The following SWAP70 variants were observed in gnomAD, a reference collection of about 807,000 sequenced individuals.
The protein encoded by SWAP70 is switching B cell complex subunit SWAP70.
In SWAP70, 34 loss-of-function variants were observed where a neutral mutation model predicts 80.2. That is an observed-to-expected ratio of 0.42 (90% CI 0.32 to 0.56). SWAP70 has a LOEUF of 0.56. Ranked by LOEUF, SWAP70 falls within the 20% of genes least tolerant of loss-of-function variation. The pLI is 0.09. For missense variants in SWAP70, 578 were observed against 690.7 expected, an observed-to-expected ratio of 0.84 and a Z score of 1.83; for synonymous variants, 239 against 238.5, an observed-to-expected ratio of 1.00 and a Z score of -0.02.
chr11:9,745,497 C>G (rs1004078173), intron 9 of SWAP70, among the ~76,000 whole-genome samples: 7 of 152,192 alleles, frequency 4.6e-5, no homozygotes, highest in African/African-American at 1.4e-4. Flanking sequence ...GGAGACTTGG[C>G]TTTATAGAAA....
At chr11:9,706,321 CTGGTGATCTGTGTATACT>C (rs1350765671) in intron 2 of SWAP70, among the ~76,000 whole-genome samples, 3 of 147,270 alleles carry the variant, frequency 2.0e-5, no homozygotes, top group African/African-American at 5.1e-5. Context: ...TCTGTATACA[CTGGTGATCTGTGTATACT>C]TGGTGATCTG....
chr11:9,740,865 T>A (rs887201201), intron 9 of SWAP70: 1 of 160,370 alleles, frequency 6.2e-6, no homozygotes, highest in African/African-American at 2.4e-5. Flanking sequence ...AACCTAGATT[T>A]TTTTTCCCCT....
chr11:9,708,531 A>G (rs1174440242), intron 2 of SWAP70, among the ~76,000 whole-genome samples: 2 of 152,188 alleles, frequency 1.3e-5, no homozygotes, highest in Non-Finnish European at 2.9e-5. Context: ...TTCTTCATGT[A>G]TTCTGTTCTA....
At chr11:9,713,873 A>T (rs543057450) in intron 3 of SWAP70, among the ~76,000 whole-genome samples, 1 of 152,322 alleles carries the variant, frequency 6.6e-6, no homozygotes, top group East Asian at 1.9e-4. Context: ...AATGGCTATG[A>T]TGATAAGTGA....
At chr11:9,725,890 T>TCCTGTCATG (rs368165055) in intron 4 of SWAP70, among the ~76,000 whole-genome samples, 49,726 of 151,914 alleles carry the variant, frequency 0.33, 8,362 homozygotes, top group Non-Finnish European at 0.35. Context: ...ATATTTTATT[T>TCCTGTCATG]TGGAAATTCA....
chr11:9,733,135 T>C (rs981098283), intron 7 of SWAP70, among the ~76,000 whole-genome samples: 1 of 152,166 alleles, frequency 6.6e-6, no homozygotes, highest in African/African-American at 2.4e-5. Context: ...TTTTACCTAC[T>C]GTTTGGAGTT....
intron 1 of SWAP70, among the ~76,000 whole-genome samples, chr11:9,686,109 T>C (rs941122972): frequency 2.0e-5 from 3 of 151,828 alleles, no homozygotes; most frequent in African/African-American, 4.8e-5. Context: ...AGGTAATACA[T>C]AGAATACTCA....
rs1363614230 is a variant in SWAP70, at chr11:9,724,672, T to G, written c.429T>G (p.Leu143=). Residue 143 remains leucine (L), a synonymous_variant, in exon 4 of 12, where the codon CTT becomes CTG. Coordinates refer to ENST00000318950, the MANE Select transcript of SWAP70 (RefSeq NM_015055.4). The part of the protein sequence containing the change: ...IIVSEEIEYL[L]KKLTEAMGGG... ...TCTTTATGTAGATTGAATACCTGCT[T>G]AAGAAGCTTACAGAAGCTATGGGAG... 3.7e-6 allele frequency: 6 copies of G among 1,612,318 alleles called. No homozygotes were observed. The highest frequency in any genetic ancestry group is 5.1e-6 in the Non-Finnish European group (6 of 1,178,896).
chr11:9,713,659 G>A lies in SWAP70; in HGVS notation c.414+20G>A. ...GAAGAGGTAAGGTGTGGCTTGGGGA[G>A]TTTTTACTTGGTCATTTTAGCATTT... is the stretch of plus-strand genomic sequence containing the variant. On this transcript the variant is annotated intron_variant, in intron 3 of 11. Transcript: ENST00000318950. The A allele has an allele frequency of 6.3e-7, 1 of 1,595,174 alleles. No homozygotes were observed.
At chr11:9,665,466 A>G (rs1166284311) in intron 1 of SWAP70, among the ~76,000 whole-genome samples, 4 of 152,200 alleles carry the variant, frequency 2.6e-5, no homozygotes, top group South Asian at 2.1e-4. Context: ...CAACATATGT[A>G]TAGATTTATA....
intron 9 of SWAP70, chr11:9,741,573 T>A (rs1038820119): frequency 2.6e-5 from 4 of 152,214 alleles, no homozygotes; most frequent in African/African-American, 9.7e-5. Context: ...TGAGAGTTAA[T>A]AGATTGTTTT....
At chr11:9,725,053 G>A in intron 4 of SWAP70, 168 bp downstream of exon 4, 2 of 582,744 alleles carry the variant, frequency 3.4e-6, no homozygotes, top group South Asian at 4.4e-5. Context: ...AGTCTGGAGT[G>A]CAGTGACGTG....
chr11:9,713,737 G>A, intron 3 of SWAP70, 98 bp downstream of exon 3: 2 of 1,356,284 alleles, frequency 1.5e-6, no homozygotes, highest in Non-Finnish European at 2.0e-6. Context: ...TATGGAAGGA[G>A]ATCCTTGGCT....
intron 1 of SWAP70, among the ~76,000 whole-genome samples, chr11:9,680,179 T>C (rs1242950170): frequency 6.6e-6 from 1 of 152,158 alleles, no homozygotes; most frequent in Non-Finnish European, 1.5e-5. Flanking sequence ...TTGAGGATTG[T>C]GTGATGTAGT....
intron 4 of SWAP70, among the ~76,000 whole-genome samples, chr11:9,727,640 C>A (rs1851242912): frequency 6.6e-6 from 1 of 152,194 alleles, no homozygotes; most frequent in South Asian, 2.1e-4. Context: ...CAGTAACCAC[C>A]ACCATGTGGC....
At chr11:9,734,677 T>C (rs1038190399) in intron 7 of SWAP70, among the ~76,000 whole-genome samples, 1 of 152,222 alleles carries the variant, frequency 6.6e-6, no homozygotes, top group African/African-American at 2.4e-5. Flanking sequence ...TCCCGCTCTG[T>C]TGTTCAGGCT....
chr11:9,731,251 C>T (rs1305610482), intron 6 of SWAP70, among the ~76,000 whole-genome samples: 3 of 151,994 alleles, frequency 2.0e-5, no homozygotes, highest in South Asian at 2.1e-4. Context: ...TATTCTTAGA[C>T]GTAGATAAAA....
intron 8 of SWAP70, among the ~76,000 whole-genome samples, chr11:9,739,688 G>C (rs1310663998): frequency 1.3e-5 from 2 of 152,210 alleles, no homozygotes; most frequent in Non-Finnish European, 2.9e-5. Flanking sequence ...AGGTGCCCCA[G>C]GGAGTGGAGA....
chr11:9,698,858 A>G (rs1850795328), intron 2 of SWAP70, among the ~76,000 whole-genome samples: 1 of 152,154 alleles, frequency 6.6e-6, no homozygotes, highest in Non-Finnish European at 1.5e-5. Context: ...ACATTGTGGA[A>G]TGGTAAAGTG....
Sources: allele counts gnomAD v4.1 joint callset (sites outside exome capture counted in the v4.1 genomes callset), GRCh38; gene constraint gnomAD v4.1.1; transcripts MANE v1.5; gene names NCBI Gene and HGNC (gene_info 2026-07-23, HGNC 2026-07-21).